Variants in EML5 observed in about 807,000 individuals in gnomAD.
The protein encoded by EML5 is EMAP like 5.
In EML5, 120 loss-of-function variants were observed where a neutral mutation model predicts 250.0. The ratio of observed to expected loss-of-function variants is 0.48; its 90% CI spans 0.41 to 0.56. The LOEUF (loss-of-function observed/expected upper bound fraction) is 0.56, where lower values mean the gene tolerates loss of function less well. EML5 is among the 20% of genes least tolerant of loss of function. The probability of loss-of-function intolerance (pLI) is 0.00; values close to 1 mark genes in which losing one functional copy is unlikely to be tolerated. For missense variants in EML5, 2,006 were observed against 2,437.6 expected (o/e 0.82, Z 3.73); for synonymous variants, 771 against 806.5 (o/e 0.96, Z 0.75).
chr14:88,618,207 T>G, intron 41 of EML5, 21 bp downstream of exon 41: 1 of 1,604,704 alleles, frequency 6.2e-7, no homozygotes, highest in Non-Finnish European at 8.5e-7. Flanking sequence ...GTTCTTGCCT[T>G]GTGAATATAT....
At chr14:88,639,926 G>C (rs1693931749) in intron 31 of EML5, among the ~76,000 whole-genome samples, 1 of 152,096 alleles carries the variant, frequency 6.6e-6, no homozygotes, top group Non-Finnish European at 1.5e-5. Context: ...GATTCATCTG[G>C]TAGTAGTAAC....
chr14:88,712,289 A>T lies in EML5; in HGVS notation c.1639T>A (p.Tyr547Asn). 2 of 1,609,118 alleles carry T rather than the reference A, an allele frequency of 1.2e-6. No individual in the cohort carries two copies. The highest frequency in any genetic ancestry group is 8.5e-7 in the Non-Finnish European group (1 of 1,177,044). The change falls in exon 10 of 44, where the codon TAT (tyrosine) becomes AAT (asparagine). Residue 547 changes from tyrosine (Y) to asparagine (N), a missense_variant. Coordinates refer to ENST00000554922, the MANE Select transcript of EML5 (RefSeq NM_183387.3). ...DDYGIIKLFRYPCLRKGAKFR... is the reference protein window; with the variant it reads ...DDYGIIKLFRNPCLRKGAKFR... Reference sequence around the variant, plus strand: ...AAGGTACCTTTTCTTAAACATGGATATCGGAATAATTTTATAATTCCATAG... The same window carrying T: ...AAGGTACCTTTTCTTAAACATGGATTTCGGAATAATTTTATAATTCCATAG...
chr14:88,689,580 A>G (rs1291979711), intron 17 of EML5, among the ~76,000 whole-genome samples: 1 of 151,986 alleles, frequency 6.6e-6, no homozygotes, highest in Non-Finnish European at 1.5e-5. Context: ...CATTCAAGAA[A>G]TATATTAGCT....
chr14:88,646,666 ATCAT>A (rs2091362873), intron 29 of EML5, among the ~76,000 whole-genome samples: 1 of 152,182 alleles, frequency 6.6e-6, no homozygotes, highest in Non-Finnish European at 1.5e-5. Context: ...TTTTATAAAT[ATCAT>A]TTATATAAGG....
chr14:88,711,937 T>C (rs2093414994), intron 10 of EML5, among the ~76,000 whole-genome samples: 1 of 143,648 alleles, frequency 7.0e-6, no homozygotes, highest in East Asian at 2.0e-4. Context: ...AGTGAGACCC[T>C]GTCTCAAAAA....
Position 88,618,471 on chromosome 14 carries a change from CTT to C in EML5, c.5539-142_5539-141del, listed in dbSNP as rs1200710026. ...AGTATGCAAAAGATCACTACAAAAACTTAATAGGAGAAAAGCTCTGATAAGTG... is the reference window on the plus strand; with the variant it reads ...AGTATGCAAAAGATCACTACAAAAACAATAGGAGAAAAGCTCTGATAAGTG... On this transcript the variant is annotated intron_variant, in intron 40 of 43. Transcript: ENST00000554922. 7 of 1,091,708 alleles carry C rather than the reference CTT, an allele frequency of 6.4e-6. No individual in the cohort carries two copies. In the East Asian group the frequency reaches 1.8e-4, roughly 28 times the overall value. 67.6% of individuals were successfully genotyped at this position (1,091,708 alleles called of 1,614,324 possible).
chr14:88,620,451 CTT>C lies in EML5; in HGVS notation c.5375+301_5375+302del. The C allele has an allele frequency of 4.3e-6, 1 of 234,964 alleles. No individual in the cohort carries two copies. The highest frequency in any genetic ancestry group is 2.2e-5 in the African/African-American group (1 of 44,736). The allele number at this position is 234,964 out of a possible 1,614,324, so 14.6% of individuals were successfully genotyped here. On this transcript the variant is annotated intron_variant, in intron 39 of 43. Coordinates refer to ENST00000554922, the MANE Select transcript of EML5 (RefSeq NM_183387.3). This position sits in a 1 kb window ranked among gnomAD's most constrained non-coding sequence, Gnocchi z 4.3. ...CAACTTTTGAAGGGCAGATAGCTCT[CTT>C]GTATTACAGTGGGAGATACCTCTTG...
At chr14:88,718,814 T>C (rs1404713600) in intron 8 of EML5, among the ~76,000 whole-genome samples, 3 of 152,136 alleles carry the variant, frequency 2.0e-5, no homozygotes, top group Non-Finnish European at 4.4e-5. Flanking sequence ...ACATTGAGCA[T>C]GTTCTAATAG....
At chr14:88,673,632 T>C (rs1014708974) in intron 21 of EML5, among the ~76,000 whole-genome samples, 2 of 152,196 alleles carry the variant, frequency 1.3e-5, no homozygotes, top group Non-Finnish European at 2.9e-5. Flanking sequence ...GAAAACCCCA[T>C]TATCTCAGCC....
At chr14:88,759,685 TAA>T (rs58676323) in intron 1 of EML5, among the ~76,000 whole-genome samples, 9 of 92,882 alleles carry the variant, frequency 9.7e-5, no homozygotes, top group East Asian at 3.4e-4. Context: ...CACCATCTCT[TAA>T]AAAAAAAAAA....
intron 36 of EML5, chr14:88,624,070 TTTTTTGTTTTTG>T (rs563007625): frequency 6.6e-6 from 1 of 152,242 alleles, no homozygotes; most frequent in South Asian, 2.1e-4. Flanking sequence ...TGTCACATTT[TTTTTTGTTTTTG>T]TTTTTGTTTT....
intron 21 of EML5, 96 bp from the exon 22 acceptor site, chr14:88,665,585 G>C: frequency 6.6e-7 from 1 of 1,515,052 alleles, no homozygotes; most frequent in South Asian, 1.3e-5. Flanking sequence ...CAAGCACTCT[G>C]GGGAGCTGAG....
At chr14:88,772,441 G>T (rs947359007) in intron 1 of EML5, among the ~76,000 whole-genome samples, 1 of 152,184 alleles carries the variant, frequency 6.6e-6, no homozygotes, top group Non-Finnish European at 1.5e-5. Flanking sequence ...AACCATCTAA[G>T]ATGGCACTTT....
In EML5 at chr14:88,687,202, A is replaced by C. The variant is rs1367701672; in HGVS notation, c.2854+14T>G. On this transcript the variant is annotated intron_variant, in intron 19 of 43. Coordinates refer to ENST00000554922, the MANE Select transcript of EML5 (RefSeq NM_183387.3). ...TTTTTTCCTATACAAAAACCCCACT[A>C]AGTCTCAAATCACCTTTAGATCCTG... 1 of 1,587,162 alleles carries C rather than the reference A, an allele frequency of 6.3e-7. No homozygotes were observed. Among genetic ancestry groups the C allele is most frequent in the Non-Finnish European group, 8.6e-7 (1 of 1,163,392 alleles).
chr14:88,695,665 G>A lies in EML5; in HGVS notation c.2345-211C>T, dbSNP rs563360478. 1.1e-3 allele frequency among the ~76,000 whole-genome samples: 168 copies of A among 152,094 alleles called. 3 individuals are homozygous for A. In the South Asian group the frequency reaches 0.034, roughly 31 times the overall value. On this transcript the variant is annotated intron_variant, in intron 15 of 43. Coordinates refer to ENST00000554922, the MANE Select transcript of EML5 (RefSeq NM_183387.3). ...TCCTCTAAATGTATCTGCTCTCATC[G>A]CACCTGATCTCCTTTTCCCTTATCT...
chr14:88,759,698 A>AAAAAAAAC (rs758968634), intron 1 of EML5, among the ~76,000 whole-genome samples: 1 of 142,110 alleles, frequency 7.0e-6, no homozygotes, highest in African/African-American at 2.7e-5. Context: ...AAAAAAAAAA[A>AAAAAAAAC]AAAAAACTGG....
intron 9 of EML5, 91 bp downstream of exon 9, chr14:88,714,848 T>C: frequency 1.6e-6 from 2 of 1,269,248 alleles, no homozygotes; most frequent in East Asian, 2.3e-5. Flanking sequence ...TTTGATTTCC[T>C]ATGATCAAAT....
chr14:88,638,908 C>A lies in EML5; in HGVS notation c.4238-1G>T. On this transcript the variant is annotated splice_acceptor_variant, in intron 31 of 43. Coordinates refer to ENST00000554922, the MANE Select transcript of EML5 (RefSeq NM_183387.3). LOFTEE classifies it high-confidence loss of function. ...TGTTCCTGATAAAAACTCTGAGAAC[C>A]TACAAAAAAGAATTTGAGAATTAAG... 1 of 1,559,868 alleles carries A rather than the reference C, an allele frequency of 6.4e-7. No homozygotes were observed. The highest frequency in any genetic ancestry group is 8.7e-7 in the Non-Finnish European group (1 of 1,155,024).
intron 41 of EML5, chr14:88,618,025 G>A: frequency 2.8e-6 from 1 of 352,952 alleles, no homozygotes; most frequent in Admixed American, 4.4e-5. Flanking sequence ...AAAAAAACTT[G>A]ATAAATCATG....
Sources: allele counts gnomAD v4.1 joint callset (sites outside exome capture counted in the v4.1 genomes callset), GRCh38; gene constraint gnomAD v4.1.1; non-coding constraint Gnocchi (gnomAD v3.1); transcripts MANE v1.5; gene names NCBI Gene and HGNC (gene_info 2026-07-23, HGNC 2026-07-21).